MAT1A: variants seen among roughly 807,000 people sequenced by gnomAD.
MAT1A encodes the protein S-adenosylmethionine synthase isoform type-1.
A neutral mutation model predicts 44.0 loss-of-function variants in MAT1A; 19 were observed. That is an observed-to-expected ratio of 0.43 (90% CI 0.30 to 0.63). MAT1A has a LOEUF of 0.63. Among genes scored for constraint, MAT1A ranks in the 30% least tolerant of loss-of-function variants. The pLI, the probability that MAT1A is intolerant of heterozygous loss-of-function variation, is 0.12. For synonymous variants in MAT1A, 205 were observed against 205.6 expected (o/e 1.00, Z 0.03); for missense variants, 397 against 531.0 (o/e 0.75, Z 2.48).
At chr10:80,276,857 C>T (rs1280278972) in intron 5 of MAT1A, among the ~76,000 whole-genome samples, 2 of 152,234 alleles carry the variant, frequency 1.3e-5, no homozygotes, top group Non-Finnish European at 2.9e-5. Flanking sequence ...TGAGTTTCCT[C>T]TCAACTTCTG....
intron 4 of MAT1A, among the ~76,000 whole-genome samples, 178 bp from the exon 5 acceptor site, chr10:80,280,494 G>C (rs529348433): frequency 4.6e-5 from 7 of 152,140 alleles, no homozygotes; most frequent in Non-Finnish European, 1.0e-4. Flanking sequence ...CTAGGAGGGG[G>C]AGACAAGCCC....
Position 80,273,678 on chromosome 10 carries a change from G to A in MAT1A, c.*103C>T. On this transcript the variant is annotated 3_prime_UTR_variant, in exon 9 of 9. Transcript: ENST00000372213. ...TGAGAGGGACCTGGCTTTGCCCTGA[G>A]GGTTGGTGGGTGGGGAAGGCGATCA... The A allele has an allele frequency of 1.2e-6, 1 of 851,310 alleles. No individual in the cohort carries two copies. Among genetic ancestry groups the A allele is most frequent in the Non-Finnish European group, 2.1e-6 (1 of 486,910 alleles). 52.7% of individuals were successfully genotyped at this position (851,310 alleles called of 1,614,324 possible). A position where few individuals can be genotyped will look rare whatever the true frequency, so the allele number is the denominator to read the frequency against.
At chr10:80,283,760 C>G (rs1841601114) in intron 3 of MAT1A, among the ~76,000 whole-genome samples, 156 bp downstream of exon 3, 1 of 152,266 alleles carries the variant, frequency 6.6e-6, no homozygotes, top group African/African-American at 2.4e-5. Context: ...ATGCCAGAGT[C>G]TTTGACCCCT....
chr10:80,273,721 GA>G lies in MAT1A; in HGVS notation c.*59del. The stretch of plus-strand genomic sequence containing the variant: ...GGCGATCAGCAGCCAGGCGTCTGGG[GA>G]AGAGGAGCATGGCCACCAGGTGCCT... On this transcript the variant is annotated 3_prime_UTR_variant, in exon 9 of 9. Transcript: ENST00000372213. 8.1e-7 allele frequency: 1 copy of G among 1,228,596 alleles called. No homozygotes were observed. The highest frequency in any genetic ancestry group is 1.2e-6 in the Non-Finnish European group (1 of 830,858). The allele number at this position is 1,228,596 out of a possible 1,614,324, so 76.1% of individuals were successfully genotyped here.
At chr10:80,280,411 A>T (rs1841550076) in intron 4 of MAT1A, 95 bp from the exon 5 acceptor site, 1 of 1,469,342 alleles carries the variant, frequency 6.8e-7, no homozygotes, top group Non-Finnish European at 9.4e-7. Context: ...GTCCACGTTG[A>T]TTGGGTGCCT....
intron 6 of MAT1A, among the ~76,000 whole-genome samples, chr10:80,275,749 A>G (rs1310817841): frequency 2.0e-5 from 3 of 152,240 alleles, no homozygotes; most frequent in Non-Finnish European, 2.9e-5. Context: ...AGAAAAAACA[A>G]TAAGTGTTAC....
chr10:80,275,510 A>G, intron 6 of MAT1A: 1 of 447,056 alleles, frequency 2.2e-6, no homozygotes, highest in African/African-American at 2.0e-5. Flanking sequence ...GAGAGATCCA[A>G]CTGCAGGCAG....
intron 3 of MAT1A, 84 bp downstream of exon 3, chr10:80,283,832 C>G (rs1841602635): frequency 1.2e-6 from 2 of 1,605,090 alleles, no homozygotes; most frequent in Non-Finnish European, 1.7e-6. Context: ...TCCCATCGGG[C>G]TGAAAGGCAC....
In MAT1A at chr10:80,275,129, C is replaced by A. The variant is rs1320353405; in HGVS notation, c.839G>T (p.Gly280Val). The A allele has an allele frequency of 6.2e-7, 1 of 1,612,700 alleles. No homozygotes were observed. The highest frequency in any genetic ancestry group is 1.3e-5 in the African/African-American group (1 of 74,992). ...TYGGWGAHGG[G>V]AFSGKDYTKV... ...GGTGTAGTCCTTCCCAGAGAAGGCCCCACCACCATGAGCCCCCCAGCCGCC... is the reference window on the plus strand; with the variant it reads ...GGTGTAGTCCTTCCCAGAGAAGGCCACACCACCATGAGCCCCCCAGCCGCC... The change falls in exon 7 of 9, where the codon GGG becomes GTG. Residue 280 changes from glycine to valine, a missense_variant. Gly to Val is a moderately radical substitution (Grantham distance 109). Coordinates refer to ENST00000372213, the MANE Select transcript of MAT1A (RefSeq NM_000429.3).
Position 80,272,161 on chromosome 10 carries a change from A to C in MAT1A, c.*1620T>G, listed in dbSNP as rs1460793322. The C allele has an allele frequency of 3.6e-5, 5 of 139,058 alleles. No individual in the cohort carries two copies. Among genetic ancestry groups the C allele is most frequent in the Non-Finnish European group, 4.6e-5 (3 of 65,200 alleles). The allele number at this position is 139,058 out of a possible 1,614,324, so 8.6% of individuals were successfully genotyped here. A position where few individuals can be genotyped will look rare whatever the true frequency, so the allele number is the denominator to read the frequency against. ...ATGCTGGCTGCCTGCTCCCCAGATG[A>C]GACTTCCTGGGCTGCCTCTCCCAGC... On this transcript the variant is annotated 3_prime_UTR_variant, in exon 9 of 9. Coordinates refer to ENST00000372213, the MANE Select transcript of MAT1A (RefSeq NM_000429.3).
chr10:80,288,818 C>G (rs928935811), intron 1 of MAT1A, among the ~76,000 whole-genome samples: 3 of 152,174 alleles, frequency 2.0e-5, no homozygotes, highest in African/African-American at 7.2e-5. Context: ...AAGACCTGAT[C>G]ATATATTTTG....
chr10:80,277,665 G>A (rs1366870518), intron 5 of MAT1A, among the ~76,000 whole-genome samples: 3 of 152,184 alleles, frequency 2.0e-5, no homozygotes, highest in African/African-American at 4.8e-5. Flanking sequence ...ATGGAGCCTC[G>A]GGAGAAGGTG....
chr10:80,278,347 T>C (rs1841518004), intron 5 of MAT1A, among the ~76,000 whole-genome samples: 1 of 150,518 alleles, frequency 6.6e-6, no homozygotes, highest in Non-Finnish European at 1.5e-5. Context: ...GTCCAGTAGG[T>C]GGTCCCTCTG....
chr10:80,286,724 C>T (rs528813879), intron 1 of MAT1A, among the ~76,000 whole-genome samples: 1 of 152,296 alleles, frequency 6.6e-6, no homozygotes, highest in East Asian at 1.9e-4. Context: ...TAAAAGTGAT[C>T]TCTATCTACA....
chr10:80,274,801 G>A (rs567724447), intron 7 of MAT1A, 148 bp from the exon 8 acceptor site: 49 of 1,278,572 alleles, frequency 3.8e-5, no homozygotes, highest in African/African-American at 3.4e-4. Context: ...TATCTTCACC[G>A]AGGGCAGTTC....
At chr10:80,287,700 G>A (rs753105709) in intron 1 of MAT1A, among the ~76,000 whole-genome samples, 10 of 152,172 alleles carry the variant, frequency 6.6e-5, no homozygotes, top group Non-Finnish European at 1.3e-4. Context: ...TCATAGCCAT[G>A]GAGCTGATCA....
In MAT1A at chr10:80,284,981, T is replaced by C. The variant is rs1456079337; in HGVS notation, c.169+531A>G. Among the ~76,000 whole-genome samples the C allele has an allele frequency of 2.0e-5, 3 of 152,198 alleles. No individual in the cohort carries two copies. In the East Asian group the frequency reaches 5.8e-4, roughly 29 times the overall value. On this transcript the variant is annotated intron_variant, in intron 2 of 8. Transcript: ENST00000372213. ...CATTGATTTATTGAAAAACAATTGG[T>C]GAAGATGTTGCCTTCCTGTTGCTAT...
intron 2 of MAT1A, 112 bp from the exon 3 acceptor site, chr10:80,284,150 G>T: frequency 7.2e-7 from 1 of 1,383,096 alleles, no homozygotes. Context: ...GGGGCCTTAC[G>T]AGGAATGGAT....
Position 80,272,651 on chromosome 10 carries a change from T to C in MAT1A, c.*1130A>G, listed in dbSNP as rs1434218605. 1 of 152,390 alleles carries C rather than the reference T, an allele frequency of 6.6e-6. No homozygotes were observed. The highest frequency in any genetic ancestry group is 2.4e-5 in the African/African-American group (1 of 41,420). The allele number at this position is 152,390 out of a possible 1,614,324, so 9.4% of individuals were successfully genotyped here. ...CTCTGTCTAAGGGGCTGGCCATCTG[T>C]GCTAGGACAAGTTGCTGCTTCTGCT... is the stretch of plus-strand genomic sequence containing the variant. On this transcript the variant is annotated 3_prime_UTR_variant, in exon 9 of 9. Coordinates refer to ENST00000372213, the MANE Select transcript of MAT1A (RefSeq NM_000429.3).
Sources: gnomAD v4.1 joint callset for allele counts (sites outside exome capture counted in the v4.1 genomes callset) on GRCh38, gnomAD v4.1.1 for gene constraint, MANE v1.5 for transcripts, NCBI Gene and HGNC (gene_info 2026-07-23, HGNC 2026-07-21) for gene names.